Variants in IL1RAPL1 observed in about 807,000 individuals in gnomAD.
The protein encoded by IL1RAPL1 is interleukin 1 receptor accessory protein like 1.
IL1RAPL1 carries 3 observed loss-of-function variants against 48.4 expected under a neutral mutation model. The observed-to-expected ratio is 0.06, with a 90% CI of 0.03 to 0.16. The LOEUF is 0.16. Among genes scored for constraint, IL1RAPL1 ranks in the 10% least tolerant of loss-of-function variants. The pLI, the probability that IL1RAPL1 is intolerant of heterozygous loss-of-function variation, is 1.00. For missense variants in IL1RAPL1, 349 were observed against 530.6 expected, an observed-to-expected ratio of 0.66 and a Z score of 3.36; for synonymous variants, 185 against 187.7, an observed-to-expected ratio of 0.99 and a Z score of 0.12.
intron 1 of IL1RAPL1, among the ~76,000 whole-genome samples, chrX:28,663,805 A>G (rs1208574158): frequency 8.9e-6 from 1 of 112,141 alleles, no homozygotes; most frequent in East Asian, 2.8e-4. Flanking sequence ...TTTGTAATTT[A>G]ACAAAAAATC....
intron 5 of IL1RAPL1, among the ~76,000 whole-genome samples, chrX:29,480,004 A>G (rs1427132150): frequency 9.1e-6 from 1 of 109,524 alleles, no homozygotes; most frequent in African/African-American, 3.3e-5. Context: ...TTTTTCATAT[A>G]ATGACTTTTT....
chrX:29,068,646 ACT>A (rs780246101), intron 2 of IL1RAPL1, among the ~76,000 whole-genome samples: 1 of 112,561 alleles, frequency 8.9e-6, no homozygotes, highest in South Asian at 3.6e-4. Context: ...TAATTAAAGT[ACT>A]GTGTTGTTCA....
At chrX:29,547,093 T>C (rs1321206601) in intron 5 of IL1RAPL1, among the ~76,000 whole-genome samples, 2 of 112,050 alleles carry the variant, frequency 1.8e-5, no homozygotes, top group Non-Finnish European at 3.8e-5. Context: ...GCATTTGCCC[T>C]TTTCATTTTG....
chrX:28,775,171 G>A (rs973704662), intron 1 of IL1RAPL1, among the ~76,000 whole-genome samples: 1 of 111,643 alleles, frequency 9.0e-6, no homozygotes, highest in Non-Finnish European at 1.9e-5. Context: ...GTCTCCTAGG[G>A]CTGCCATAAC....
chrX:29,355,945 A>T (rs1794270276), intron 3 of IL1RAPL1, among the ~76,000 whole-genome samples: 1 of 111,554 alleles, frequency 9.0e-6, no homozygotes, highest in Admixed American at 9.6e-5. Flanking sequence ...TTACAGATAT[A>T]AGGGAAAACT....
intron 2 of IL1RAPL1, among the ~76,000 whole-genome samples, chrX:28,842,147 G>A (rs1191783733): frequency 9.1e-6 from 1 of 110,094 alleles, no homozygotes; most frequent in Non-Finnish European, 1.9e-5. Context: ...GCCATAATTT[G>A]GAACCTAAAA....
intron 5 of IL1RAPL1, among the ~76,000 whole-genome samples, chrX:29,584,018 T>C (rs1046606521): frequency 9.0e-6 from 1 of 111,524 alleles, no homozygotes; most frequent in Non-Finnish European, 1.9e-5. Context: ...CTAAGATTGC[T>C]CCTCTGGCAC....
chrX:29,498,841 G>A (rs1310090913), intron 5 of IL1RAPL1, among the ~76,000 whole-genome samples: 1 of 111,281 alleles, frequency 9.0e-6, no homozygotes, highest in Non-Finnish European at 1.9e-5. Flanking sequence ...TACATATTTT[G>A]GCATTAAGAA....
chrX:29,388,365 A>T (rs73631657), intron 3 of IL1RAPL1, among the ~76,000 whole-genome samples: 5,277 of 30,204 alleles, frequency 0.17, 307 homozygotes, highest in African/African-American at 0.45. Context: ...GATTAAAAAA[A>T]ATATATATAT....
intron 2 of IL1RAPL1, among the ~76,000 whole-genome samples, chrX:28,962,092 A>G (rs1006382526): frequency 2.7e-5 from 3 of 111,953 alleles, no homozygotes; most frequent in African/African-American, 6.5e-5. Flanking sequence ...TAAGAATGGC[A>G]TAAGAAGATA....
intron 2 of IL1RAPL1, among the ~76,000 whole-genome samples, chrX:29,113,284 T>C (rs1928611845): frequency 8.9e-6 from 1 of 111,924 alleles, no homozygotes; most frequent in African/African-American, 3.3e-5. Context: ...TGGGATAATA[T>C]GAATTTGGGG....
intron 5 of IL1RAPL1, among the ~76,000 whole-genome samples, chrX:29,469,435 C>T (rs1425616805): frequency 9.0e-6 from 1 of 111,676 alleles, no homozygotes; most frequent in East Asian, 2.8e-4. Flanking sequence ...AGGCTGAATA[C>T]ATTTTGTACA....
chrX:28,757,596 C>G (rs965594205), intron 1 of IL1RAPL1, among the ~76,000 whole-genome samples: 5 of 111,462 alleles, frequency 4.5e-5, no homozygotes, highest in Non-Finnish European at 7.5e-5. Flanking sequence ...AGGTGGTGCA[C>G]CGCAGCAGGA....
chrX:29,774,890 G>C (rs2147153360), intron 6 of IL1RAPL1, among the ~76,000 whole-genome samples: 1 of 112,103 alleles, frequency 8.9e-6, no homozygotes, highest in African/African-American at 3.2e-5. Flanking sequence ...ATAATTGATG[G>C]TTAAATTTCC....
chrX:28,855,092 T>C (rs1921770679), intron 2 of IL1RAPL1, among the ~76,000 whole-genome samples: 1 of 111,937 alleles, frequency 8.9e-6, no homozygotes, highest in Non-Finnish European at 1.9e-5. Flanking sequence ...CGATCTCAGC[T>C]CACTGCAACT....
intron 6 of IL1RAPL1, among the ~76,000 whole-genome samples, chrX:29,693,117 T>A (rs757330937): frequency 8.9e-6 from 1 of 112,075 alleles, no homozygotes; most frequent in East Asian, 2.8e-4. Flanking sequence ...GTCCCTGTGA[T>A]GACAAAGAAG....
intron 2 of IL1RAPL1, among the ~76,000 whole-genome samples, chrX:28,878,683 G>A (rs1023946451): frequency 8.9e-6 from 1 of 111,756 alleles, no homozygotes; most frequent in African/African-American, 3.3e-5. Context: ...ATACAGGAAA[G>A]ACAGTAAGCC....
rs1367987000 is a variant in IL1RAPL1 at position 29,084,192 on chromosome X, C to T, written c.83-198746C>T. 3.6e-5 allele frequency among the ~76,000 whole-genome samples: 4 copies of T among 111,793 alleles called. No homozygotes were observed. In the East Asian group the frequency reaches 1.1e-3, roughly 31 times the overall value. On this transcript the variant is annotated intron_variant, in intron 2 of 10. Coordinates refer to ENST00000378993, the MANE Select transcript of IL1RAPL1 (RefSeq NM_014271.4). ...ACTCCCAAGCCCTGGGAAAATAATA[C>T]TTTTTTAAAAACCCTGTACCTACCA...
At chrX:29,510,626 A>G (rs938222057) in intron 5 of IL1RAPL1, among the ~76,000 whole-genome samples, 1 of 111,909 alleles carries the variant, frequency 8.9e-6, no homozygotes, top group African/African-American at 3.3e-5. Context: ...CACTTTCCTT[A>G]TACTGTGTCT....
Sources: gnomAD v4.1 joint callset for allele counts (sites outside exome capture counted in the v4.1 genomes callset) on GRCh38, gnomAD v4.1.1 for gene constraint, MANE v1.5 for transcripts, NCBI Gene and HGNC (gene_info 2026-07-23, HGNC 2026-07-21) for gene names.